NAV3: variants seen among roughly 807,000 people sequenced by gnomAD.
NAV3 encodes neuron navigator 3.
In NAV3, 87 loss-of-function variants were observed where a neutral mutation model predicts 244.7. The ratio of observed to expected loss-of-function variants is 0.36; its 90% CI spans 0.30 to 0.42. The LOEUF is 0.42. Among genes scored for constraint, NAV3 ranks in the 20% least tolerant of loss-of-function variants. NAV3 has a pLI of 1.00. For synonymous variants in NAV3, 1,126 were observed against 1,042.2 expected, an observed-to-expected ratio of 1.08 and a Z score of -1.55; for missense variants, 2,663 against 2,893.3, an observed-to-expected ratio of 0.92 and a Z score of 1.83.
intron 2 of NAV3, among the ~76,000 whole-genome samples, chr12:77,707,096 G>A (rs1875855635): frequency 6.8e-6 from 1 of 146,488 alleles, no homozygotes; most frequent in Non-Finnish European, 1.5e-5. Flanking sequence ...TATACTTTAA[G>A]TTCTAGGGTA....
chr12:77,764,870 G>A (rs753881886), intron 2 of NAV3, among the ~76,000 whole-genome samples: 11 of 152,194 alleles, frequency 7.2e-5, no homozygotes, highest in Non-Finnish European at 1.3e-4. Context: ...ATCCCAGTTC[G>A]TGTAACATAT....
chr12:78,181,378 T>G (rs928483740), intron 30 of NAV3, among the ~76,000 whole-genome samples: 2 of 152,012 alleles, frequency 1.3e-5, no homozygotes, highest in African/African-American at 4.8e-5. Context: ...CCCAATGACT[T>G]TTATTAAGTG....
intron 12 of NAV3, among the ~76,000 whole-genome samples, chr12:78,079,933 C>T (rs1333355370): frequency 1.3e-5 from 2 of 152,058 alleles, no homozygotes; most frequent in Non-Finnish European, 2.9e-5. Context: ...TGTTCATAAT[C>T]GAAGATATTG....
In NAV3 at chr12:77,831,681, G is replaced by A. The variant is rs1210267743; in HGVS notation, c.220G>A (p.Ala74Thr). The change falls in exon 1 of 40, where the codon GCC (alanine) becomes ACC (threonine). Residue 74 changes from alanine (A) to threonine (T), a missense_variant. Physicochemically the swap from Ala to Thr is moderately conservative, Grantham distance 58. Around this residue, in one of 6 missense-constraint regions of NAV3, gnomAD observed 1,521 missense variants for 1,497.0 expected, o/e 1.02. Transcript: ENST00000397909. ...AGAGAAGAAACCCCTCCAAGGAAAAGCCAAGGAGAAAGAAGACAGCAAGGT... is the reference window on the plus strand; with the variant it reads ...AGAGAAGAAACCCCTCCAAGGAAAAACCAAGGAGAAAGAAGACAGCAAGGT... ...FGEKKPLQGK[A>T]KEKEDSKIYT... 6.2e-7 allele frequency: 1 copy of A among 1,609,054 alleles called. No homozygotes were observed. Among genetic ancestry groups the A allele is most frequent in the Non-Finnish European group, 8.5e-7 (1 of 1,178,522 alleles).
intron 12 of NAV3, among the ~76,000 whole-genome samples, chr12:78,100,203 G>A (rs1954469087): frequency 6.6e-6 from 1 of 151,872 alleles, no homozygotes; most frequent in African/African-American, 2.4e-5. Context: ...TGAATTTCTA[G>A]GTTATCAAGA....
intron 2 of NAV3, among the ~76,000 whole-genome samples, chr12:77,578,752 G>A (rs1003067912): frequency 1.3e-5 from 2 of 151,958 alleles, no homozygotes; most frequent in African/African-American, 4.8e-5. Flanking sequence ...AAATAAACAG[G>A]CAATTTATGG....
chr12:77,675,929 C>A (rs1874184520), intron 2 of NAV3, among the ~76,000 whole-genome samples: 1 of 152,118 alleles, frequency 6.6e-6, no homozygotes, highest in Non-Finnish European at 1.5e-5. Flanking sequence ...AGTCTCCCCT[C>A]CGTGGTCAAT....
At chr12:77,644,828 A>AT (rs1354944195) in intron 2 of NAV3, among the ~76,000 whole-genome samples, 3 of 152,118 alleles carry the variant, frequency 2.0e-5, no homozygotes, top group Non-Finnish European at 4.4e-5. Context: ...AGTAGGCTAA[A>AT]CAAACAAAGC....
At chr12:78,184,223 C>A (rs1264040652) in intron 30 of NAV3, among the ~76,000 whole-genome samples, 1 of 151,784 alleles carries the variant, frequency 6.6e-6, no homozygotes, top group Non-Finnish European at 1.5e-5. Context: ...TTTCTGATAC[C>A]ATTTATACCT....
At chr12:78,013,280 A>T (rs778530305) in intron 8 of NAV3, among the ~76,000 whole-genome samples, 1 of 152,166 alleles carries the variant, frequency 6.6e-6, no homozygotes, top group Non-Finnish European at 1.5e-5. Context: ...GACAAGGGGC[A>T]AGCTCAAAGA....
At chr12:78,174,823 G>C (rs925577662) in intron 24 of NAV3, among the ~76,000 whole-genome samples, 3 of 151,838 alleles carry the variant, frequency 2.0e-5, no homozygotes, top group Non-Finnish European at 2.9e-5. Context: ...CATGACTTCA[G>C]GTTTTGTTTT....
At chr12:77,679,268 G>A (rs1193568102) in intron 2 of NAV3, among the ~76,000 whole-genome samples, 1 of 152,134 alleles carries the variant, frequency 6.6e-6, no homozygotes, top group African/African-American at 2.4e-5. Flanking sequence ...GCACTAACAG[G>A]TTATCGGGGA....
rs76215667 is a variant in NAV3, at chr12:77,932,573, A to G, written c.244-7746A>G. Among the ~76,000 whole-genome samples, 8 of 152,336 alleles carry G rather than the reference A, an allele frequency of 5.3e-5. No homozygotes were observed. The East Asian group carries it at 1.3e-3, about 26-fold the overall frequency. Reference sequence around the variant, plus strand: ...TCCTGTGGGCAATTTCTTAGTAAATACAGGGCAGAAAACTATTTTATCATC... The same window carrying G: ...TCCTGTGGGCAATTTCTTAGTAAATGCAGGGCAGAAAACTATTTTATCATC... On this transcript the variant is annotated intron_variant, in intron 1 of 39. Transcript: ENST00000397909.
At chr12:77,976,995 A>C (rs1868571050) in intron 5 of NAV3, among the ~76,000 whole-genome samples, 1 of 152,024 alleles carries the variant, frequency 6.6e-6, no homozygotes, top group Non-Finnish European at 1.5e-5. Context: ...TCTCAATATT[A>C]ATTTTGACAT....
intron 12 of NAV3, among the ~76,000 whole-genome samples, chr12:78,069,904 A>G (rs1226324022): frequency 3.3e-5 from 5 of 152,078 alleles, no homozygotes; most frequent in Non-Finnish European, 5.9e-5. Flanking sequence ...AATTTCAAGT[A>G]TGTATTTGTA....
chr12:78,105,584 T>G (rs534704642), intron 12 of NAV3, among the ~76,000 whole-genome samples: 5 of 152,230 alleles, frequency 3.3e-5, no homozygotes, highest in African/African-American at 9.6e-5. Flanking sequence ...TATTTTTCTA[T>G]GGACAAGTTG....
chr12:77,918,939 CA>C lies in NAV3; in HGVS notation c.244-21379del, dbSNP rs200581452. On this transcript the variant is annotated intron_variant, in intron 1 of 39. Coordinates refer to ENST00000397909, the MANE Select transcript of NAV3 (RefSeq NM_001024383.2). Reference sequence around the variant, plus strand: ...TCATATGGGAAGAAATAGTCTATATCATTATAGGAAGAGTAGACCTTGTGAT... The same window carrying C: ...TCATATGGGAAGAAATAGTCTATATCTTATAGGAAGAGTAGACCTTGTGAT... 7.9e-3 allele frequency among the ~76,000 whole-genome samples: 1,207 copies of C among 152,078 alleles called. 9 individuals carry two copies. The highest frequency in any genetic ancestry group is 0.034 in the Middle Eastern group (10 of 294).
chr12:78,140,369 T>C, intron 20 of NAV3, 35 bp downstream of exon 20: 1 of 1,538,692 alleles, frequency 6.5e-7, no homozygotes, highest in Non-Finnish European at 9.0e-7. Flanking sequence ...GCTTGTGCTT[T>C]TGCCATGCAC....
At chr12:77,584,933 G>A (rs1334631334) in intron 2 of NAV3, among the ~76,000 whole-genome samples, 1 of 152,158 alleles carries the variant, frequency 6.6e-6, no homozygotes, top group Non-Finnish European at 1.5e-5. Context: ...TACCATGTTA[G>A]CACAGAGTCT....
Sources: gnomAD v4.1 joint callset for allele counts (sites outside exome capture counted in the v4.1 genomes callset) on GRCh38, gnomAD v4.1.1 for gene constraint, gnomAD v4.1.1 regional missense constraint, MANE v1.5 for transcripts, NCBI Gene and HGNC (gene_info 2026-07-23, HGNC 2026-07-21) for gene names.